The following ADAMTS2 variants were observed in gnomAD, a reference collection of about 807,000 sequenced individuals.
ADAMTS2 encodes the protein A disintegrin and metalloproteinase with thrombospondin motifs 2.
Under a neutral mutation model 123.0 loss-of-function variants are expected in ADAMTS2, and 50 were observed. The ratio of observed to expected loss-of-function variants is 0.41; its 90% CI spans 0.32 to 0.51. ADAMTS2 has a LOEUF of 0.51. ADAMTS2 is among the 20% of genes least tolerant of loss of function. The pLI is 0.35. For missense variants in ADAMTS2, 1,494 were observed against 1,705.2 expected (o/e 0.88, Z 2.18); for synonymous variants, 678 against 695.4 (o/e 0.98, Z 0.39).
chr5:179,117,851 T>C lies in ADAMTS2; in HGVS notation c.3179-3527A>G, dbSNP rs1309893372. 1.3e-5 allele frequency among the ~76,000 whole-genome samples: 2 copies of C among 152,212 alleles called. No individual in the cohort carries two copies. The highest frequency in any genetic ancestry group is 6.5e-5 in the Admixed American group (1 of 15,276). On this transcript the variant is annotated intron_variant, in intron 21 of 21. Transcript: ENST00000251582. The surrounding 1 kb of genome is among the most constrained non-coding windows in gnomAD (Gnocchi z 4.2). ...GTGCCCGGCCCATGCATTTCTTATC[T>C]GTGGCTGCTTTCCCACTATAAAGGC... is the stretch of plus-strand genomic sequence containing the variant.
chr5:179,166,885 C>T (rs1346517465), intron 5 of ADAMTS2, among the ~76,000 whole-genome samples: 2 of 152,246 alleles, frequency 1.3e-5, no homozygotes, highest in African/African-American at 4.8e-5. Context: ...TTCTGCTCTC[C>T]ATGCCAGGAT....
chr5:179,181,005 T>A lies in ADAMTS2; in HGVS notation c.975+67A>T. 8.0e-7 allele frequency: 1 copy of A among 1,255,460 alleles called. No homozygotes were observed. Among genetic ancestry groups the A allele is most frequent in the South Asian group, 1.2e-5 (1 of 83,894 alleles). The allele number at this position is 1,255,460 out of a possible 1,614,324, so 77.8% of individuals were successfully genotyped here. ...CGCACACACTCTCCAAGGAGGCCCATGCCTCACTCCCAGGCCCCTCACTCC... is the reference window on the plus strand; with the variant it reads ...CGCACACACTCTCCAAGGAGGCCCAAGCCTCACTCCCAGGCCCCTCACTCC... On this transcript the variant is annotated intron_variant, in intron 5 of 21. Coordinates refer to ENST00000251582, the MANE Select transcript of ADAMTS2 (RefSeq NM_014244.5). The surrounding 1 kb of genome is among the most constrained non-coding windows in gnomAD (Gnocchi z 4.1).
chr5:179,157,931 T>A lies in ADAMTS2; in HGVS notation c.1132+792A>T, dbSNP rs74658056. Among the ~76,000 whole-genome samples the A allele has an allele frequency of 8.9e-3, 1,353 of 152,120 alleles. 55 individuals are homozygous for A. The highest frequency in any genetic ancestry group is 0.069 in the Admixed American group (1,057 of 15,270). ...TTGAAATGTGCTACTATTTATCAGT[T>A]TTTTCCATTGAGTTCATGGTTTGTT... is the stretch of plus-strand genomic sequence containing the variant. On this transcript the variant is annotated intron_variant, in intron 6 of 21. Coordinates refer to ENST00000251582, the MANE Select transcript of ADAMTS2 (RefSeq NM_014244.5).
intron 5 of ADAMTS2, among the ~76,000 whole-genome samples, chr5:179,165,821 G>A (rs1358573083): frequency 6.6e-6 from 1 of 152,222 alleles, no homozygotes; most frequent in African/African-American, 2.4e-5. Context: ...AGAAGAGCCA[G>A]GCGGGAGAAG....
intron 2 of ADAMTS2, among the ~76,000 whole-genome samples, chr5:179,324,659 G>A (rs931489495): frequency 1.3e-5 from 2 of 152,172 alleles, no homozygotes; most frequent in Admixed American, 1.3e-4. Context: ...CCAAAGTGCT[G>A]GGATTATAGG....
At chr5:179,271,604 G>A (rs747911640) in intron 3 of ADAMTS2, among the ~76,000 whole-genome samples, 1 of 152,182 alleles carries the variant, frequency 6.6e-6, no homozygotes, top group South Asian at 2.1e-4. Context: ...TCGAGGCTGA[G>A]ACCACAGCTG....
At chr5:179,192,636 C>T (rs779557340) in intron 4 of ADAMTS2, among the ~76,000 whole-genome samples, 3 of 152,234 alleles carry the variant, frequency 2.0e-5, no homozygotes, top group Non-Finnish European at 4.4e-5. Context: ...GCCCCCAGGC[C>T]AGGCTCCCTG....
chr5:179,275,984 G>C (rs1766684251), intron 2 of ADAMTS2, among the ~76,000 whole-genome samples: 1 of 152,196 alleles, frequency 6.6e-6, no homozygotes, highest in Non-Finnish European at 1.5e-5. Flanking sequence ...AGGAGGCAGT[G>C]GTAACCAGAG....
intron 2 of ADAMTS2, among the ~76,000 whole-genome samples, chr5:179,279,918 C>T (rs533433440): frequency 2.6e-5 from 4 of 152,380 alleles, no homozygotes; most frequent in Admixed American, 2.0e-4. Flanking sequence ...AACAGCTGTC[C>T]TCACCCGCAT....
In ADAMTS2 at chr5:179,112,953, G is replaced by A. The variant is rs576402402; in HGVS notation, c.*914C>T. ...CCACTGTTTTCTTGGCATGGACCCT[G>A]TTTAGACCTATCCTTATGTCCCGTG... On this transcript the variant is annotated 3_prime_UTR_variant, in exon 22 of 22. Transcript: ENST00000251582. 2.6e-4 allele frequency: 39 copies of A among 152,400 alleles called. No homozygotes were observed. The South Asian group carries it at 6.8e-3, about 27-fold the overall frequency. The allele number at this position is 152,400 out of a possible 1,614,324, so 9.4% of individuals were successfully genotyped here.
Position 179,132,382 on chromosome 5 carries a change from G to T in ADAMTS2, c.2210-72C>A. ...CGCTCAAATTCGCACCATGCAAGGA[G>T]GGGCCTCGCTCTTGAAGGCAGCTCC... is the stretch of plus-strand genomic sequence containing the variant. On this transcript the variant is annotated intron_variant, in intron 14 of 21. Coordinates refer to ENST00000251582, the MANE Select transcript of ADAMTS2 (RefSeq NM_014244.5). This position sits in a 1 kb window ranked among gnomAD's most constrained non-coding sequence, Gnocchi z 6.1. 6.9e-7 allele frequency: 1 copy of T among 1,445,576 alleles called. No homozygotes were observed. Among genetic ancestry groups the T allele is most frequent in the South Asian group, 1.2e-5 (1 of 85,878 alleles). The allele number at this position is 1,445,576 out of a possible 1,614,324, so 89.5% of individuals were successfully genotyped here.
rs1299644916 is a variant in ADAMTS2 at position 179,111,847 on chromosome 5, A to G, written c.*2020T>C. On this transcript the variant is annotated 3_prime_UTR_variant, in exon 22 of 22. Coordinates refer to ENST00000251582, the MANE Select transcript of ADAMTS2 (RefSeq NM_014244.5). ...TGGAAAGCCTCGGGCTCCGTTTCCT[A>G]ATTACAGAGGCAGGATTGCACACAT... 6.6e-6 allele frequency: 1 copy of G among 152,316 alleles called. No individual in the cohort carries two copies. Among genetic ancestry groups the G allele is most frequent in the African/African-American group, 2.4e-5 (1 of 41,470 alleles). The allele number at this position is 152,316 out of a possible 1,614,324, so 9.4% of individuals were successfully genotyped here. A position where few individuals can be genotyped will look rare whatever the true frequency, so the allele number is the denominator to read the frequency against.
intron 2 of ADAMTS2, chr5:179,341,393 GA>G: frequency 2.9e-6 from 1 of 349,632 alleles, no homozygotes; most frequent in Non-Finnish European, 5.5e-6. Flanking sequence ...GAAGAGAAGA[GA>G]AAGAGGACAA....
rs529640035 is a variant in ADAMTS2, at chr5:179,307,881, A to T, written c.535-34817T>A. On this transcript the variant is annotated intron_variant, in intron 2 of 21. Transcript: ENST00000251582. The surrounding 1 kb of genome is among the most constrained non-coding windows in gnomAD (Gnocchi z 5.6). ...CCATCCTGTCCTATTTTTTTGTAAC[A>T]CCATTTCCCAATCATCGACACGTGG... Among the ~76,000 whole-genome samples the T allele has an allele frequency of 6.6e-6, 1 of 151,946 alleles. No individual in the cohort carries two copies. Among genetic ancestry groups the T allele is most frequent in the African/African-American group, 2.4e-5 (1 of 41,412 alleles).
In ADAMTS2 at chr5:179,113,540, A is replaced by G; in HGVS notation, c.*327T>C. On this transcript the variant is annotated 3_prime_UTR_variant, in exon 22 of 22. Transcript: ENST00000251582. ...AAAGGAAGGTTCCCAATCACTGCTT[A>G]GCAACTTGGGGCCTATTTTTGTTCT... 5.3e-6 allele frequency: 2 copies of G among 377,462 alleles called. No homozygotes were observed. The allele number at this position is 377,462 out of a possible 1,614,324, so 23.4% of individuals were successfully genotyped here.
rs936271491 is a variant in ADAMTS2, at chr5:179,130,085, C to T, written c.2304G>A (p.Leu768=). 6.2e-7 allele frequency: 1 copy of T among 1,614,036 alleles called. No individual in the cohort carries two copies. Among genetic ancestry groups the T allele is most frequent in the Non-Finnish European group, 8.5e-7 (1 of 1,180,042 alleles). The part of the protein sequence containing the change: ...ATSHHLAVKN[L]ETGKFILNEE... ...CATTTAAGATGAACTTGCCTGTCTC[C>T]AGGTTCTTGACGGCTGAGAATGGCA... The change falls in exon 16 of 22, where the codon CTG becomes CTA. Residue 768 remains leucine, a synonymous_variant. Transcript: ENST00000251582. This position sits in a 1 kb window ranked among gnomAD's most constrained non-coding sequence, Gnocchi z 4.3.
intron 3 of ADAMTS2, among the ~76,000 whole-genome samples, chr5:179,224,582 A>G (rs75550418): frequency 0.037 from 5,657 of 152,294 alleles, 336 homozygotes; most frequent in African/African-American, 0.13. Context: ...TCCCGTGAGA[A>G]AAGCCATGTG....
intron 21 of ADAMTS2, among the ~76,000 whole-genome samples, chr5:179,119,960 T>C (rs974502757): frequency 6.6e-6 from 1 of 152,150 alleles, no homozygotes; most frequent in African/African-American, 2.4e-5. Context: ...CTGCACGGTT[T>C]GCTATCAGAT....
intron 2 of ADAMTS2, among the ~76,000 whole-genome samples, chr5:179,330,221 C>T (rs910832584): frequency 2.0e-5 from 3 of 152,082 alleles, no homozygotes; most frequent in African/African-American, 4.8e-5. Flanking sequence ...CCAGCCCCAG[C>T]GGACTCCTGC....
Sources: gnomAD v4.1 joint callset for allele counts (sites outside exome capture counted in the v4.1 genomes callset) on GRCh38, gnomAD v4.1.1 for gene constraint, Gnocchi (gnomAD v3.1) non-coding constraint, MANE v1.5 for transcripts, NCBI Gene and HGNC (gene_info 2026-07-23, HGNC 2026-07-21) for gene names.